The following ADGRL2 variants were observed in gnomAD, a reference collection of about 807,000 sequenced individuals.
ADGRL2 encodes adhesion G protein-coupled receptor L2.
A neutral mutation model predicts 157.4 loss-of-function variants in ADGRL2; 44 were observed. The ratio of observed to expected loss-of-function variants is 0.28; its 90% CI spans 0.22 to 0.36. ADGRL2 has a LOEUF of 0.36. ADGRL2 is among the 10% of genes least tolerant of loss of function. The pLI, the probability that ADGRL2 is intolerant of heterozygous loss-of-function variation, is 1.00. For missense variants in ADGRL2, 1,510 were observed against 1,768.9 expected, an observed-to-expected ratio of 0.85 and a Z score of 2.63; for synonymous variants, 585 against 624.7, an observed-to-expected ratio of 0.94 and a Z score of 0.95.
chr1:81,571,096 G>A (rs979479387), intron 2 of ADGRL2, among the ~76,000 whole-genome samples: 44 of 151,936 alleles, frequency 2.9e-4, no homozygotes, highest in East Asian at 1.4e-3. Context: ...AGGCTGAGGC[G>A]GGCAGATCAC....
At chr1:81,798,632 T>G (rs3811468), upstream of ADGRL2, among the ~76,000 whole-genome samples, 38,856 of 152,024 alleles carry the variant, frequency 0.26, 5,061 homozygotes, top group South Asian at 0.34. Context: ...GCATCCTCCT[T>G]TTTTGTGATA....
upstream of ADGRL2, among the ~76,000 whole-genome samples, chr1:81,798,150 A>AT (rs933617692): frequency 2.4e-4 from 37 of 152,098 alleles, 1 homozygote; most frequent in Admixed American, 2.4e-3. Flanking sequence ...TTCTCATTTC[A>AT]TTTTTTTCTA....
intron 2 of ADGRL2, among the ~76,000 whole-genome samples, chr1:81,469,256 G>T (rs1351160320): frequency 6.6e-6 from 1 of 152,104 alleles, no homozygotes; most frequent in Non-Finnish European, 1.5e-5. Flanking sequence ...TTCTGCCTCT[G>T]TTTTTTCTAA....
intron 1 of ADGRL2, among the ~76,000 whole-genome samples, chr1:81,809,760 T>G: frequency 6.6e-6 from 1 of 151,834 alleles, no homozygotes; most frequent in East Asian, 1.9e-4. Flanking sequence ...TATCAATACT[T>G]GTTGTTTATT....
intron 2 of ADGRL2, among the ~76,000 whole-genome samples, chr1:81,882,199 T>G (rs189607434): frequency 2.0e-5 from 3 of 152,000 alleles, no homozygotes; most frequent in Admixed American, 1.3e-4. Flanking sequence ...TACAGATGTG[T>G]TTTTTTTCCC....
At chr1:81,472,626 ACT>A (rs1365946207) in intron 2 of ADGRL2, among the ~76,000 whole-genome samples, 2 of 151,304 alleles carry the variant, frequency 1.3e-5, no homozygotes, top group African/African-American at 4.8e-5. Flanking sequence ...ACAGAGCAAG[ACT>A]CTGAAAAAAA....
At chr1:81,361,769 T>A (rs1015504980) in intron 1 of ADGRL2, among the ~76,000 whole-genome samples, 1 of 151,958 alleles carries the variant, frequency 6.6e-6, no homozygotes, top group African/African-American at 2.4e-5. Context: ...CAAGAAATGC[T>A]TATTCAGTAC....
At chr1:81,825,926 A>T (rs551242678) in intron 1 of ADGRL2, among the ~76,000 whole-genome samples, 1 of 152,134 alleles carries the variant, frequency 6.6e-6, no homozygotes, top group Admixed American at 6.6e-5. Flanking sequence ...ATTTTTGCAG[A>T]TGTTCAGAAA....
intron 1 of ADGRL2, among the ~76,000 whole-genome samples, chr1:81,716,465 A>G (rs2084120033): frequency 6.6e-6 from 1 of 152,224 alleles, no homozygotes; most frequent in Admixed American, 6.5e-5. Flanking sequence ...TGTCATTAAA[A>G]ATATAATTTT....
intron 2 of ADGRL2, among the ~76,000 whole-genome samples, chr1:81,481,571 C>T (rs985797916): frequency 3.3e-5 from 5 of 152,148 alleles, no homozygotes; most frequent in African/African-American, 1.2e-4. Context: ...GACCAAAAGT[C>T]GTGTTTCGTT....
At chr1:81,364,140 G>A (rs1036867822) in intron 1 of ADGRL2, among the ~76,000 whole-genome samples, 3 of 151,814 alleles carry the variant, frequency 2.0e-5, no homozygotes, top group Non-Finnish European at 4.4e-5. Flanking sequence ...TCAATAGAAA[G>A]CCAGACTAAA....
At chr1:81,312,205 G>A (rs968118352) in intron 1 of ADGRL2, among the ~76,000 whole-genome samples, 7 of 152,164 alleles carry the variant, frequency 4.6e-5, no homozygotes, top group African/African-American at 1.7e-4. Context: ...AATCCAATAA[G>A]AAATCTACAG....
chr1:81,987,196 C>T (rs575825361), intron 22 of ADGRL2, 167 bp downstream of exon 22: 1 of 1,308,872 alleles, frequency 7.6e-7, no homozygotes, highest in Non-Finnish European at 1.1e-6. Context: ...TAAAACTGCA[C>T]TATATTATAG....
At chr1:81,697,951 G>A (rs59335062), upstream of ADGRL2, among the ~76,000 whole-genome samples, 2,685 of 152,234 alleles carry the variant, frequency 0.018, 33 homozygotes, top group South Asian at 0.054. Flanking sequence ...ATTTCAAATA[G>A]TGCATTCAGT....
intron 1 of ADGRL2, among the ~76,000 whole-genome samples, chr1:81,724,640 C>G (rs533366890): frequency 6.6e-6 from 1 of 152,126 alleles, no homozygotes; most frequent in Non-Finnish European, 1.5e-5. Context: ...CCTGACATTG[C>G]TATGTTTCTA....
upstream of ADGRL2, among the ~76,000 whole-genome samples, chr1:81,697,590 A>G (rs2083471989): frequency 6.6e-6 from 1 of 152,212 alleles, no homozygotes; most frequent in Admixed American, 6.5e-5. Flanking sequence ...GTAGCCGCTC[A>G]GATGTCTTTT....
intron 1 of ADGRL2, among the ~76,000 whole-genome samples, chr1:81,389,226 A>C (rs2076492078): frequency 6.6e-6 from 1 of 152,162 alleles, no homozygotes. Context: ...ACATTCAACA[A>C]TGTAACTAAC....
chr1:81,866,937 T>C (rs538798416), intron 2 of ADGRL2, among the ~76,000 whole-genome samples: 1 of 152,256 alleles, frequency 6.6e-6, no homozygotes, highest in African/African-American at 2.4e-5. Flanking sequence ...CTTAGGTGAC[T>C]TTTAACAAAC....
chr1:81,960,323 T>C (rs1478192737), intron 11 of ADGRL2, among the ~76,000 whole-genome samples: 2 of 152,202 alleles, frequency 1.3e-5, no homozygotes, highest in Non-Finnish European at 2.9e-5. Flanking sequence ...TTCTGTTTCT[T>C]TAATTTAACA....
Sources: allele counts gnomAD v4.1 joint callset (sites outside exome capture counted in the v4.1 genomes callset), GRCh38; gene constraint gnomAD v4.1.1; transcripts MANE v1.5; gene names NCBI Gene and HGNC (gene_info 2026-07-23, HGNC 2026-07-21).